The following ITGBL1 variants were observed in gnomAD, a reference collection of about 807,000 sequenced individuals.
ITGBL1 encodes the protein integrin subunit beta like 1.
A neutral mutation model predicts 68.5 loss-of-function variants in ITGBL1; 51 were observed. The observed-to-expected ratio is 0.74, with a 90% CI of 0.59 to 0.94. The LOEUF is 0.94. ITGBL1 is among the 40% of genes least tolerant of loss of function. The pLI, the probability that ITGBL1 is intolerant of heterozygous loss-of-function variation, is 0.00. For synonymous variants in ITGBL1, 209 were observed against 227.3 expected (o/e 0.92, Z 0.72); for missense variants, 649 against 647.4 (o/e 1.00, Z -0.03).
At chr13:101,566,874 T>G (rs989281021) in intron 2 of ITGBL1, among the ~76,000 whole-genome samples, 14 of 152,312 alleles carry the variant, frequency 9.2e-5, no homozygotes, top group African/African-American at 3.4e-4. Flanking sequence ...ATAGACTTTA[T>G]CGCTCAGCTT....
intron 7 of ITGBL1, among the ~76,000 whole-genome samples, chr13:101,642,240 T>G: frequency 6.6e-6 from 1 of 152,140 alleles, no homozygotes; most frequent in East Asian, 1.9e-4. Context: ...TCCTGACTTT[T>G]TAATGATTGC....
intron 2 of ITGBL1, among the ~76,000 whole-genome samples, chr13:101,522,981 C>G (rs571194477): frequency 6.6e-6 from 1 of 152,156 alleles, no homozygotes; most frequent in South Asian, 2.1e-4. Context: ...AAATGCATTC[C>G]TCTCTCGTCC....
chr13:101,658,251 CA>C (rs1321140929), intron 7 of ITGBL1, among the ~76,000 whole-genome samples: 1 of 152,110 alleles, frequency 6.6e-6, no homozygotes, highest in African/African-American at 2.4e-5. Context: ...TAAAATAAAT[CA>C]TTTTCAAATT....
At chr13:101,679,446 G>A (rs150030253) in intron 7 of ITGBL1, among the ~76,000 whole-genome samples, 313 of 152,228 alleles carry the variant, frequency 2.1e-3, no homozygotes, top group African/African-American at 7.1e-3. Flanking sequence ...ACTGTGTTTC[G>A]AAAGCAGGGC....
chr13:101,529,904 A>C (rs1165582521), intron 2 of ITGBL1, among the ~76,000 whole-genome samples: 1 of 152,182 alleles, frequency 6.6e-6, no homozygotes, highest in African/African-American at 2.4e-5. Context: ...GGCAGTGTGA[A>C]AACGAACTAA....
intron 7 of ITGBL1, among the ~76,000 whole-genome samples, chr13:101,680,109 G>T (rs537364072): frequency 1.3e-5 from 2 of 152,288 alleles, no homozygotes; most frequent in African/African-American, 4.8e-5. Context: ...AGGTGAGGGT[G>T]CCTCTTCACT....
chr13:101,619,311 A>C (rs546879338), intron 7 of ITGBL1, among the ~76,000 whole-genome samples: 1 of 152,182 alleles, frequency 6.6e-6, no homozygotes, highest in African/African-American at 2.4e-5. Flanking sequence ...AAAAGATTAT[A>C]CTAGATCATC....
At position 101,453,906 on chromosome 13, in the gene ITGBL1, G is replaced by C. The variant is rs964509660; in HGVS notation, c.122G>C (p.Arg41Thr). Residue 41 changes from arginine to threonine, a missense_variant, in exon 2 of 11, where the codon AGG becomes ACG. Coordinates refer to ENST00000376180, the MANE Select transcript of ITGBL1 (RefSeq NM_004791.3). ...AGGAGCTGGCCGGGCGCCGCCTGCA[G>C]GCTGTCCCGGGCCGAGTCGGAGCGA... ...SLRSWPGAAC[R>T]LSRAESERRC... is the part of the protein sequence containing the mutation. 1 of 1,264,208 alleles carries C rather than the reference G, an allele frequency of 7.9e-7. No homozygotes were observed. The highest frequency in any genetic ancestry group is 9.9e-7 in the Non-Finnish European group (1 of 1,005,626). 78.3% of individuals were successfully genotyped at this position (1,264,208 alleles called of 1,614,324 possible).
chr13:101,671,226 C>T (rs2033350216), intron 7 of ITGBL1, among the ~76,000 whole-genome samples: 1 of 152,036 alleles, frequency 6.6e-6, no homozygotes, highest in African/African-American at 2.4e-5. Context: ...GAAACTGATA[C>T]ATTCATGAAA....
chr13:101,490,504 A>C (rs1046148290), intron 2 of ITGBL1, among the ~76,000 whole-genome samples: 4 of 152,232 alleles, frequency 2.6e-5, no homozygotes, highest in Non-Finnish European at 2.9e-5. Flanking sequence ...AATTAAAATA[A>C]TACTACTAAC....
At chr13:101,513,423 A>C (rs1214208425) in intron 2 of ITGBL1, among the ~76,000 whole-genome samples, 3 of 152,082 alleles carry the variant, frequency 2.0e-5, no homozygotes, top group Admixed American at 2.0e-4. Context: ...GGGATCCAAT[A>C]AGCCTCCCAA....
intron 7 of ITGBL1, among the ~76,000 whole-genome samples, chr13:101,630,999 T>G (rs903446225): frequency 6.6e-6 from 1 of 152,184 alleles, no homozygotes; most frequent in Non-Finnish European, 1.5e-5. Context: ...TATCTTATGC[T>G]CCAACTGATC....
intron 2 of ITGBL1, among the ~76,000 whole-genome samples, chr13:101,525,185 T>C (rs1166508269): frequency 6.6e-6 from 1 of 152,100 alleles, no homozygotes; most frequent in Non-Finnish European, 1.5e-5. Flanking sequence ...ACTTTACCAT[T>C]TAAAAATAAA....
chr13:101,579,388 AG>A lies in ITGBL1; in HGVS notation c.689del (p.Arg230AsnfsTer177), dbSNP rs778463881. 40 of 1,613,794 alleles carry A rather than the reference AG, an allele frequency of 2.5e-5. No individual in the cohort carries two copies. In the Admixed American group the frequency reaches 4.5e-4, roughly 18 times the overall value. On this transcript the variant is annotated frameshift_variant, in exon 5 of 11. Coordinates refer to ENST00000376180, the MANE Select transcript of ITGBL1 (RefSeq NM_004791.3). LOFTEE classifies it high-confidence loss of function. ...TATCACCCCCTGGGAAAGCAAGCGAAGATGCACGTCTCCAGATGGCAAAATC... is the reference window on the plus strand; with the variant it reads ...TATCACCCCCTGGGAAAGCAAGCGAAATGCACGTCTCCAGATGGCAAAATC... Reference protein sequence around the residue: ...CDITPWESKRRCTSPDGKICS... With the variant: ...CDITPWESKRXCTSPDGKICS...
intron 5 of ITGBL1, among the ~76,000 whole-genome samples, chr13:101,582,954 G>A (rs1288413616): frequency 6.6e-6 from 1 of 152,044 alleles, no homozygotes; most frequent in Non-Finnish European, 1.5e-5. Flanking sequence ...TTGTTTTAGT[G>A]TTATCTTTGA....
At chr13:101,535,787 T>C (rs116118287) in intron 2 of ITGBL1, among the ~76,000 whole-genome samples, 159 of 152,146 alleles carry the variant, frequency 1.0e-3, no homozygotes, top group African/African-American at 3.7e-3. Context: ...CTGAAAAAAA[T>C]TTTTCCTTGC....
chr13:101,592,199 T>C (rs2050666715), intron 6 of ITGBL1, among the ~76,000 whole-genome samples: 1 of 152,134 alleles, frequency 6.6e-6, no homozygotes, highest in African/African-American at 2.4e-5. Flanking sequence ...AAAAATTTAA[T>C]ATCTTTTCTG....
chr13:101,481,939 G>A (rs577571989), intron 2 of ITGBL1, among the ~76,000 whole-genome samples: 4 of 152,196 alleles, frequency 2.6e-5, no homozygotes, highest in East Asian at 1.9e-4. Flanking sequence ...GAGTCAAGGG[G>A]AATGTGGTGG....
At chr13:101,615,843 G>T (rs1272754189) in intron 7 of ITGBL1, among the ~76,000 whole-genome samples, 1 of 152,082 alleles carries the variant, frequency 6.6e-6, no homozygotes, top group Non-Finnish European at 1.5e-5. Context: ...ACCCCAGAAA[G>T]CTAGCTTGAC....
Sources: allele counts gnomAD v4.1 joint callset (sites outside exome capture counted in the v4.1 genomes callset), GRCh38; gene constraint gnomAD v4.1.1; transcripts MANE v1.5; gene names NCBI Gene and HGNC (gene_info 2026-07-23, HGNC 2026-07-21).